Variants in COL4A2 observed in about 807,000 individuals in gnomAD.
COL4A2 encodes collagen alpha-2(IV) chain.
COL4A2 carries 99 observed loss-of-function variants against 200.2 expected under a neutral mutation model. That is an observed-to-expected ratio of 0.49 (90% CI 0.42 to 0.58). The LOEUF is 0.58. Ranked by LOEUF, COL4A2 falls within the 20% of genes least tolerant of loss-of-function variation. The pLI is 0.00. For missense variants in COL4A2, 1,950 were observed against 2,314.1 expected (o/e 0.84, Z 3.23); for synonymous variants, 897 against 900.6 (o/e 1.00, Z 0.07).
intron 3 of COL4A2, among the ~76,000 whole-genome samples, chr13:110,326,168 T>C (rs1885405782): frequency 6.6e-6 from 1 of 152,166 alleles, no homozygotes; most frequent in African/African-American, 2.4e-5. Context: ...CACCTCGGAG[T>C]TCAAATTCAT....
intron 3 of COL4A2, among the ~76,000 whole-genome samples, chr13:110,316,328 G>A (rs1187900023): frequency 6.6e-6 from 1 of 152,236 alleles, no homozygotes; most frequent in Non-Finnish European, 1.5e-5. Context: ...AGACACACGT[G>A]CCCTGGACTG....
chr13:110,484,043 CT>C (rs1452012917), intron 32 of COL4A2, among the ~76,000 whole-genome samples: 3 of 151,792 alleles, frequency 2.0e-5, no homozygotes, highest in East Asian at 3.9e-4. Context: ...TTTACTCACA[CT>C]TGTGCTTTCA....
intron 15 of COL4A2, among the ~76,000 whole-genome samples, chr13:110,439,020 A>C (rs1048647245): frequency 2.6e-5 from 4 of 152,212 alleles, no homozygotes; most frequent in African/African-American, 9.6e-5. Context: ...GAAATGTAGA[A>C]TATCTCAAAC....
intron 36 of COL4A2, among the ~76,000 whole-genome samples, chr13:110,490,209 T>C (rs538609036): frequency 6.6e-6 from 1 of 152,328 alleles, no homozygotes; most frequent in South Asian, 2.1e-4. Flanking sequence ...GAGAGAGATA[T>C]GGAGGCAGCT....
rs755820436 is a variant in COL4A2, at chr13:110,462,343, C to T, written c.1735C>T (p.Arg579Cys). 9.9e-6 allele frequency: 16 copies of T among 1,614,030 alleles called. No homozygotes were observed. The Middle Eastern group carries it at 8.3e-4, about 83-fold the overall frequency. Reference protein sequence around the residue: ...GMKGDDGSPGRDGLDGFPGLP... With the variant: ...GMKGDDGSPGCDGLDGFPGLP... ...GAAAGGTGACGATGGCAGCCCAGGC[C>T]GCGATGGGCTCGATGGATTCCCCGG... is the stretch of plus-strand genomic sequence containing the variant. Residue 579 changes from arginine (R) to cysteine (C), a missense_variant, in exon 24 of 48, where the codon CGC becomes TGC. Coordinates refer to ENST00000360467, the MANE Select transcript of COL4A2 (RefSeq NM_001846.4).
chr13:110,472,647 C>G lies in COL4A2; in HGVS notation c.2204-282C>G, dbSNP rs192956982. Among the ~76,000 whole-genome samples, 11 of 152,226 alleles carry G rather than the reference C, an allele frequency of 7.2e-5. No homozygotes were observed. In the East Asian group the frequency reaches 1.4e-3, roughly 19 times the overall value. On this transcript the variant is annotated intron_variant, in intron 28 of 47. Coordinates refer to ENST00000360467, the MANE Select transcript of COL4A2 (RefSeq NM_001846.4). ...AAAGCAGGGGAACCCATGAATTATG[C>G]AAATCGAGGTCCAAGGAGGCGTTGT...
At chr13:110,411,834 C>T (rs2139441140) in intron 4 of COL4A2, among the ~76,000 whole-genome samples, 1 of 152,340 alleles carries the variant, frequency 6.6e-6, no homozygotes, top group African/African-American at 2.4e-5. Flanking sequence ...TGAAAAGCCC[C>T]ATATGACTCT....
intron 12 of COL4A2, among the ~76,000 whole-genome samples, chr13:110,434,968 G>A (rs183257345): frequency 1.2e-3 from 182 of 152,318 alleles, no homozygotes; most frequent in Non-Finnish European, 2.0e-3. Context: ...CAGGCTTAAC[G>A]CAGCGCCACA....
At chr13:110,393,251 T>G (rs1879055777) in intron 4 of COL4A2, among the ~76,000 whole-genome samples, 1 of 152,214 alleles carries the variant, frequency 6.6e-6, no homozygotes, top group South Asian at 2.1e-4. Context: ...TAAAGGCTAT[T>G]TAAGGGAAAC....
chr13:110,414,661 A>G (rs1879972687), intron 4 of COL4A2, among the ~76,000 whole-genome samples: 1 of 152,252 alleles, frequency 6.6e-6, no homozygotes, highest in African/African-American at 2.4e-5. Context: ...CCTTTGGGAA[A>G]ATAATCAGTT....
At chr13:110,349,296 G>T (rs1876848269) in intron 3 of COL4A2, among the ~76,000 whole-genome samples, 1 of 152,142 alleles carries the variant, frequency 6.6e-6, no homozygotes, top group African/African-American at 2.4e-5. Flanking sequence ...TTTTGAGATG[G>T]GCGATTCCTC....
At chr13:110,404,860 G>A (rs1188017597) in intron 4 of COL4A2, among the ~76,000 whole-genome samples, 4 of 152,198 alleles carry the variant, frequency 2.6e-5, no homozygotes, top group Non-Finnish European at 5.9e-5. Context: ...GGCTGGGCAC[G>A]GTGGCTCATG....
intron 3 of COL4A2, among the ~76,000 whole-genome samples, chr13:110,316,985 A>G (rs1885146524): frequency 6.6e-6 from 1 of 152,114 alleles, no homozygotes; most frequent in African/African-American, 2.4e-5. Context: ...GAACACACAC[A>G]TACATATGCA....
chr13:110,334,892 G>T (rs899961269), intron 3 of COL4A2, among the ~76,000 whole-genome samples: 1 of 152,214 alleles, frequency 6.6e-6, no homozygotes, highest in African/African-American at 2.4e-5. Flanking sequence ...CCCGGAGCAG[G>T]CCTGCTTCAG....
chr13:110,342,228 A>G (rs1374367167), intron 3 of COL4A2, among the ~76,000 whole-genome samples: 1 of 152,202 alleles, frequency 6.6e-6, no homozygotes, highest in African/African-American at 2.4e-5. Context: ...AGCTTACTAA[A>G]TTTTTTCCTT....
chr13:110,458,700 C>G, intron 21 of COL4A2, 71 bp from the exon 22 acceptor site: 1 of 1,594,732 alleles, frequency 6.3e-7, no homozygotes, highest in Non-Finnish European at 8.6e-7. Flanking sequence ...CTCCCCGCTG[C>G]CTGATACCCC....
intron 18 of COL4A2, among the ~76,000 whole-genome samples, chr13:110,448,807 T>C (rs1300879813): frequency 2.0e-5 from 3 of 152,212 alleles, no homozygotes; most frequent in Non-Finnish European, 4.4e-5. Flanking sequence ...TGTTTACCCC[T>C]CTGGGTGACC....
Position 110,503,890 on chromosome 13 carries a change from C to A in COL4A2, c.4182C>A (p.Pro1394=). The change falls in exon 44 of 48, where the codon CCC becomes CCA. Residue 1394 remains proline, a synonymous_variant. Transcript: ENST00000360467. ...GAGCCCCCGGGATTGCAGGAATCCC[C>A]CAGAAGATTGCCGTCCAACCAGGGA... ...TVGAPGIAGI[P]QKIAVQPGTV... 6.2e-7 allele frequency: 1 copy of A among 1,613,622 alleles called. No individual in the cohort carries two copies. The highest frequency in any genetic ancestry group is 8.5e-7 in the Non-Finnish European group (1 of 1,179,678).
chr13:110,382,218 G>A (rs921760466), intron 4 of COL4A2, among the ~76,000 whole-genome samples: 5 of 152,174 alleles, frequency 3.3e-5, no homozygotes, highest in African/African-American at 4.8e-5. Context: ...AGCAATTATG[G>A]TGGACAAGTA....
Sources: allele counts gnomAD v4.1 joint callset (sites outside exome capture counted in the v4.1 genomes callset), GRCh38; gene constraint gnomAD v4.1.1; transcripts MANE v1.5; gene names NCBI Gene and HGNC (gene_info 2026-07-23, HGNC 2026-07-21).